The following NOS1 variants were observed in gnomAD, a reference collection of about 807,000 sequenced individuals.
NOS1 encodes NOS type I.
Under a neutral mutation model 164.5 loss-of-function variants are expected in NOS1, and 51 were observed. The ratio of observed to expected loss-of-function variants is 0.31; its 90% CI spans 0.25 to 0.39. NOS1 has a LOEUF of 0.39. Ranked by LOEUF, NOS1 falls within the 10% of genes least tolerant of loss-of-function variation. NOS1 has a pLI of 1.00. For synonymous variants in NOS1, 719 were observed against 745.8 expected, an observed-to-expected ratio of 0.96 and a Z score of 0.59; for missense variants, 1,362 against 1,885.6, an observed-to-expected ratio of 0.72 and a Z score of 5.14.
In NOS1 at chr12:117,214,991, AC is replaced by A. The variant is rs2135914487; in HGVS notation, c.*317del. Reference sequence around the variant, plus strand: ...TTCCAGGGGAACCCCAGAGAAAAAAACCCCCACAGCGACGGCCATGTTCCAG... The same window carrying A: ...TTCCAGGGGAACCCCAGAGAAAAAAACCCCACAGCGACGGCCATGTTCCAG... On this transcript the variant is annotated 3_prime_UTR_variant, in exon 29 of 29. Transcript: ENST00000317775. 1 of 1,123,134 alleles carries A rather than the reference AC, an allele frequency of 8.9e-7. No individual in the cohort carries two copies. The highest frequency in any genetic ancestry group is 1.1e-6 in the Non-Finnish European group (1 of 919,722). 69.6% of individuals were successfully genotyped at this position (1,123,134 alleles called of 1,614,324 possible). A position where few individuals can be genotyped will look rare whatever the true frequency, so the allele number is the denominator to read the frequency against.
Position 117,214,828 on chromosome 12 carries a change from G to A in NOS1, c.*481C>T. The A allele has an allele frequency of 2.1e-6, 2 of 932,922 alleles. No individual in the cohort carries two copies. Among genetic ancestry groups the A allele is most frequent in the Non-Finnish European group, 2.5e-6 (2 of 792,944 alleles). The allele number at this position is 932,922 out of a possible 1,614,324, so 57.8% of individuals were successfully genotyped here. A position where few individuals can be genotyped will look rare whatever the true frequency, so the allele number is the denominator to read the frequency against. The stretch of plus-strand genomic sequence containing the variant: ...AGGGAAGAGGACGGACAGAGACCTG[G>A]CCCATCACACACACACACACACACA... On this transcript the variant is annotated 3_prime_UTR_variant, in exon 29 of 29. Coordinates refer to ENST00000317775, the MANE Select transcript of NOS1 (RefSeq NM_000620.5).
chr12:117,277,833 A>C (rs1873308414), intron 9 of NOS1, 126 bp downstream of exon 9: 2 of 1,185,624 alleles, frequency 1.7e-6, no homozygotes, highest in Non-Finnish European at 2.4e-6. Flanking sequence ...GACAGGAACC[A>C]AGCCCCCCTT....
rs567015675 is a variant in NOS1, at chr12:117,288,108, C to G, written c.1093G>C (p.Glu365Gln). ...GATGAATAGTATTGATCAATAAACT[C>G]TTTGGCGAGAGGGAAGAGCTGTCCT... is the stretch of plus-strand genomic sequence containing the variant. ...TKGQLFPLAK[E>Q]FIDQYYSSIK... The change falls in exon 5 of 29, where the codon GAG becomes CAG. Residue 365 changes from glutamate to glutamine, a missense_variant. By Grantham distance (29) the Glu-to-Gln change is conservative (BLOSUM62 2). Around this residue, in one of 4 missense-constraint regions of NOS1, gnomAD observed 129 missense variants for 186.0 expected, o/e 0.69. Coordinates refer to ENST00000317775, the MANE Select transcript of NOS1 (RefSeq NM_000620.5). 9.9e-6 allele frequency: 16 copies of G among 1,614,230 alleles called. No individual in the cohort carries two copies. In the South Asian group the frequency reaches 1.5e-4, roughly 16 times the overall value.
chr12:117,321,680 C>T (rs1489595165), intron 2 of NOS1, among the ~76,000 whole-genome samples: 2 of 152,104 alleles, frequency 1.3e-5, no homozygotes, highest in Non-Finnish European at 2.9e-5. Flanking sequence ...GGCTTAGTTC[C>T]TTAATTGAAA....
chr12:117,312,514 C>T (rs1385867539), intron 2 of NOS1, among the ~76,000 whole-genome samples: 1 of 152,198 alleles, frequency 6.6e-6, no homozygotes, highest in East Asian at 1.9e-4. Context: ...CTTCTGGGTT[C>T]AAGTGATCCT....
At chr12:117,359,234 C>G (rs1194720175) in intron 1 of NOS1, among the ~76,000 whole-genome samples, 1 of 152,194 alleles carries the variant, frequency 6.6e-6, no homozygotes, top group African/African-American at 2.4e-5. Context: ...CGGACACCCC[C>G]TCCTTCAGGG....
At chr12:117,320,536 C>A (rs77638295) in intron 2 of NOS1, among the ~76,000 whole-genome samples, 49 of 152,292 alleles carry the variant, frequency 3.2e-4, no homozygotes, top group Non-Finnish European at 3.2e-4. Context: ...ACTGAGACCA[C>A]TTCAGACTTA....
At position 117,213,903 on chromosome 12, in the gene NOS1, T is replaced by C. The variant is rs1956564918; in HGVS notation, c.*1406A>G. 1.0e-6 allele frequency: 1 copy of C among 985,338 alleles called. No individual in the cohort carries two copies. The highest frequency in any genetic ancestry group is 1.2e-6 in the Non-Finnish European group (1 of 829,938). The allele number at this position is 985,338 out of a possible 1,614,324, so 61.0% of individuals were successfully genotyped here. On this transcript the variant is annotated 3_prime_UTR_variant, in exon 29 of 29. Transcript: ENST00000317775. Reference sequence around the variant, plus strand: ...GAGAGAGTAAATTCAACAGGTTGCCTCTTAGGGAGGAATTACACCGGCTCC... The same window carrying C: ...GAGAGAGTAAATTCAACAGGTTGCCCCTTAGGGAGGAATTACACCGGCTCC...
At chr12:117,269,800 G>C (rs1364694093) in intron 10 of NOS1, among the ~76,000 whole-genome samples, 1 of 152,182 alleles carries the variant, frequency 6.6e-6, no homozygotes, top group Non-Finnish European at 1.5e-5. Flanking sequence ...AGGTCTGTGA[G>C]TGCATCATCT....
intron 1 of NOS1, among the ~76,000 whole-genome samples, chr12:117,342,268 G>T (rs1306224258): frequency 1.3e-5 from 2 of 152,190 alleles, no homozygotes; most frequent in Non-Finnish European, 2.9e-5. Flanking sequence ...GGGTGGATAA[G>T]ATAGACAGCA....
intron 3 of NOS1, chr12:117,309,510 C>T (rs1874323733): frequency 2.6e-6 from 1 of 390,470 alleles, no homozygotes; most frequent in Admixed American, 6.4e-5. Flanking sequence ...CCGGTCATCA[C>T]TTGCTGAGTC....
rs527798709 is a variant in NOS1, at chr12:117,355,976, C to A, written c.-421+5536G>T. 3.3e-5 allele frequency among the ~76,000 whole-genome samples: 5 copies of A among 152,284 alleles called. No individual in the cohort carries two copies. The South Asian group carries it at 1.0e-3, about 32-fold the overall frequency. ...CTCTGTTTCCCAGGCTGGGCTCAAA[C>A]GCTGAGCTCAAACAATCCTCCTGCC... On this transcript the variant is annotated intron_variant, in intron 1 of 28. Transcript: ENST00000317775.
intron 3 of NOS1, among the ~76,000 whole-genome samples, chr12:117,303,930 T>C (rs915045102): frequency 1.3e-5 from 2 of 152,176 alleles, no homozygotes; most frequent in Non-Finnish European, 2.9e-5. Context: ...TCCAGCACTT[T>C]GGGAGGCTGA....
At chr12:117,343,278 A>G (rs910433264) in intron 1 of NOS1, among the ~76,000 whole-genome samples, 1 of 150,744 alleles carries the variant, frequency 6.6e-6, no homozygotes, top group African/African-American at 2.5e-5. Context: ...GGGAGGGAGG[A>G]AGGAAGGAAG....
chr12:117,326,502 G>T (rs1056054356), intron 2 of NOS1, among the ~76,000 whole-genome samples: 11 of 152,182 alleles, frequency 7.2e-5, no homozygotes. Context: ...CTCATCCTTA[G>T]AACTGCTCAC....
At position 117,332,569 on chromosome 12, in the gene NOS1, T is replaced by TA. The variant is rs9658270; in HGVS notation, c.-420-1081dup. Among the ~76,000 whole-genome samples, 1,439 of 149,246 alleles carry TA rather than the reference T, an allele frequency of 9.6e-3. 23 individuals are homozygous for TA. The highest frequency in any genetic ancestry group is 0.033 in the African/African-American group (1,357 of 40,632). On this transcript the variant is annotated intron_variant, in intron 1 of 28. Transcript: ENST00000317775. ...TAGCAAGACCCTTTCTCTATTTATT[T>TA]AAAAAAAAAATCAGGCCGGTCACAG...
Position 117,260,585 on chromosome 12 carries a change from C to G in NOS1, c.2247G>C (p.Leu749=), listed in dbSNP as rs758837396. 1.2e-6 allele frequency: 2 copies of G among 1,613,808 alleles called. No homozygotes were observed. Among genetic ancestry groups the G allele is most frequent in the Non-Finnish European group, 8.5e-7 (1 of 1,179,890 alleles). Residue 749 remains leucine (L), a synonymous_variant, in exon 14 of 29, where the codon CTG becomes CTC. Transcript: ENST00000317775. ...LAEAVKFSAK[L]MGQAMAKRVK... ...CCCTCTTGGCCATAGCCTGCCCCAT[C>G]AGCTTGGCCGAGAACTTGACAGCTC...
At chr12:117,332,232 C>T (rs114953881) in intron 1 of NOS1, among the ~76,000 whole-genome samples, 260 of 152,246 alleles carry the variant, frequency 1.7e-3, no homozygotes, top group African/African-American at 6.0e-3. Flanking sequence ...AGACTAAACA[C>T]GGCAGACACT....
At position 117,213,270 on chromosome 12, in the gene NOS1, G is replaced by A; in HGVS notation, c.*2039C>T. On this transcript the variant is annotated 3_prime_UTR_variant, in exon 29 of 29. Coordinates refer to ENST00000317775, the MANE Select transcript of NOS1 (RefSeq NM_000620.5). Reference sequence around the variant, plus strand: ...GCGTCTCCAAAGCTATAAAGGATTGGAAAGAAAGCCTTTGGGAGGAAAGCT... The same window carrying A: ...GCGTCTCCAAAGCTATAAAGGATTGAAAAGAAAGCCTTTGGGAGGAAAGCT... The A allele has an allele frequency of 2.0e-6, 2 of 985,484 alleles. No homozygotes were observed. Among genetic ancestry groups the A allele is most frequent in the Non-Finnish European group, 2.4e-6 (2 of 829,976 alleles). The allele number at this position is 985,484 out of a possible 1,614,324, so 61.0% of individuals were successfully genotyped here. A position where few individuals can be genotyped will look rare whatever the true frequency, so the allele number is the denominator to read the frequency against.
Sources: gnomAD v4.1 joint callset for allele counts (sites outside exome capture counted in the v4.1 genomes callset) on GRCh38, gnomAD v4.1.1 for gene constraint, gnomAD v4.1.1 regional missense constraint, MANE v1.5 for transcripts, NCBI Gene and HGNC (gene_info 2026-07-23, HGNC 2026-07-21) for gene names.